Variants in TMEM232 observed in about 807,000 individuals in gnomAD.
TMEM232 encodes the protein transmembrane protein 232.
Under a neutral mutation model 78.8 loss-of-function variants are expected in TMEM232, and 80 were observed. The ratio of observed to expected loss-of-function variants is 1.01; its 90% CI spans 0.85 to 1.22. TMEM232 has a LOEUF of 1.22. Ranked by LOEUF, TMEM232 falls within the 50% of genes most tolerant of loss-of-function variation. The pLI, the probability that TMEM232 is intolerant of heterozygous loss-of-function variation, is 0.00. For synonymous variants in TMEM232, 297 were observed against 254.3 expected, an observed-to-expected ratio of 1.17 and a Z score of -1.60; for missense variants, 881 against 742.2, an observed-to-expected ratio of 1.19 and a Z score of -2.17.
At chr5:110,478,648 C>A (rs1763521702) in intron 12 of TMEM232, among the ~76,000 whole-genome samples, 1 of 151,710 alleles carries the variant, frequency 6.6e-6, no homozygotes, top group African/African-American at 2.4e-5. Flanking sequence ...TATGAAAATT[C>A]ATTTATGGGC....
intron 12 of TMEM232, among the ~76,000 whole-genome samples, chr5:110,473,957 G>A (rs1474605643): frequency 1.5e-5 from 2 of 134,394 alleles, no homozygotes; most frequent in African/African-American, 5.6e-5. Flanking sequence ...ATCAAAAGTG[G>A]TTACTATCAT....
Position 110,451,037 on chromosome 5 carries a change from A to G in TMEM232, c.1704-26121T>C, listed in dbSNP as rs527871532. On this transcript the variant is annotated intron_variant, in intron 12 of 13. Transcript: ENST00000455884. ...AGAACCTGGGTGACTAAATGACCACATGGTAGGTCATCTCAGAAGGAATAC... is the reference window on the plus strand; with the variant it reads ...AGAACCTGGGTGACTAAATGACCACGTGGTAGGTCATCTCAGAAGGAATAC... Among the ~76,000 whole-genome samples, 38 of 152,262 alleles carry G rather than the reference A, an allele frequency of 2.5e-4. 1 individual carries two copies. The highest frequency in any genetic ancestry group is 9.1e-4 in the African/African-American group (38 of 41,572).
At chr5:110,653,904 C>T (rs576823462) in intron 2 of TMEM232, among the ~76,000 whole-genome samples, 6 of 151,992 alleles carry the variant, frequency 3.9e-5, no homozygotes, top group Non-Finnish European at 4.4e-5. Flanking sequence ...TCAGATTCAC[C>T]GACATATCAG....
intron 12 of TMEM232, among the ~76,000 whole-genome samples, chr5:110,477,383 AG>A (rs1763364795): frequency 6.6e-6 from 1 of 151,948 alleles, no homozygotes; most frequent in Non-Finnish European, 1.5e-5. Flanking sequence ...TATTATTCAA[AG>A]TAACAAATCT....
intron 11 of TMEM232, among the ~76,000 whole-genome samples, chr5:110,541,657 C>A (rs1773129643): frequency 6.6e-6 from 1 of 152,000 alleles, no homozygotes; most frequent in Admixed American, 6.6e-5. Context: ...GTTAGCTAAG[C>A]ATTGTCAGGA....
At chr5:110,525,224 C>A in intron 12 of TMEM232, among the ~76,000 whole-genome samples, 1 of 149,600 alleles carries the variant, frequency 6.7e-6, no homozygotes, top group African/African-American at 2.4e-5. Flanking sequence ...TAGGCATACT[C>A]AGCTGATAAA....
chr5:110,729,543 A>T (rs541927770), upstream of TMEM232, among the ~76,000 whole-genome samples: 1 of 152,352 alleles, frequency 6.6e-6, no homozygotes, highest in South Asian at 2.1e-4. Flanking sequence ...CCACTACAAA[A>T]GCCAAAAACG....
chr5:110,550,950 AT>A (rs113468591), intron 11 of TMEM232, among the ~76,000 whole-genome samples: 21,179 of 145,112 alleles, frequency 0.15, 3,859 homozygotes, highest in African/African-American at 0.43. Flanking sequence ...AAATCCAGCC[AT>A]TTTTTTTTTT....
intron 2 of TMEM232, among the ~76,000 whole-genome samples, chr5:110,410,922 G>A (rs751716259): frequency 6.6e-6 from 1 of 152,100 alleles, no homozygotes; most frequent in African/African-American, 2.4e-5. Flanking sequence ...CTAAGATGAT[G>A]TGTGTAGGTA....
At chr5:110,584,645 A>G (rs1778599202) in intron 10 of TMEM232, among the ~76,000 whole-genome samples, 1 of 152,090 alleles carries the variant, frequency 6.6e-6, no homozygotes, top group Non-Finnish European at 1.5e-5. Context: ...CTGTGAACAT[A>G]TTATGTTACT....
chr5:110,647,268 A>C (rs541892583), intron 2 of TMEM232, among the ~76,000 whole-genome samples: 2 of 151,890 alleles, frequency 1.3e-5, no homozygotes, highest in Non-Finnish European at 2.9e-5. Context: ...TTGACCCATC[A>C]TAGTTTGTGC....
At chr5:110,649,061 T>A (rs1437063195) in intron 2 of TMEM232, among the ~76,000 whole-genome samples, 2 of 152,100 alleles carry the variant, frequency 1.3e-5, no homozygotes, top group Non-Finnish European at 2.9e-5. Context: ...GTCTGTCTAG[T>A]TGAGCTTGAA....
chr5:110,461,160 G>C (rs1761481173), intron 12 of TMEM232, among the ~76,000 whole-genome samples: 1 of 151,734 alleles, frequency 6.6e-6, no homozygotes, highest in African/African-American at 2.4e-5. Context: ...CCAAAAGCTA[G>C]GTCTCTAGTA....
At chr5:110,693,015 G>GCTAC (rs1794320873) in intron 1 of TMEM232, among the ~76,000 whole-genome samples, 2 of 152,192 alleles carry the variant, frequency 1.3e-5, no homozygotes, top group Non-Finnish European at 2.9e-5. Context: ...CCTCAAGTGG[G>GCTAC]TCCCTGACCC....
At chr5:110,530,921 T>C (rs1342693588) in intron 11 of TMEM232, among the ~76,000 whole-genome samples, 3 of 152,294 alleles carry the variant, frequency 2.0e-5, no homozygotes, top group African/African-American at 7.2e-5. Context: ...TTTGACCATT[T>C]CACAATGTAT....
At chr5:110,424,001 G>A (rs1009113282) in intron 13 of TMEM232, among the ~76,000 whole-genome samples, 11 of 152,014 alleles carry the variant, frequency 7.2e-5, no homozygotes, top group African/African-American at 2.2e-4. Context: ...TGCAGCTCTC[G>A]TTTTGTCATT....
At chr5:110,679,820 C>T (rs529109070) in intron 1 of TMEM232, among the ~76,000 whole-genome samples, 46 of 152,082 alleles carry the variant, frequency 3.0e-4, no homozygotes, top group South Asian at 8.3e-4. Context: ...TATATTTACT[C>T]AAAAGCAATT....
intron 2 of TMEM232, among the ~76,000 whole-genome samples, chr5:110,645,640 A>C (rs1048289714): frequency 4.6e-5 from 7 of 151,532 alleles, no homozygotes; most frequent in Non-Finnish European, 8.9e-5. Flanking sequence ...AAAACAGAAA[A>C]CTTTGCCTCT....
chr5:110,580,713 T>C lies in TMEM232; in HGVS notation c.1277-12088A>G, dbSNP rs543664853. On this transcript the variant is annotated intron_variant, in intron 10 of 13. Transcript: ENST00000455884. ...AATAGACCTAAAAGGCATATACAGA[T>C]CACATAACCCCAAACAGGATAATTT... Among the ~76,000 whole-genome samples the C allele has an allele frequency of 2.0e-5, 3 of 148,288 alleles. No individual in the cohort carries two copies. In the East Asian group the frequency reaches 5.9e-4, roughly 29 times the overall value.
Sources: gnomAD v4.1 joint callset for allele counts (sites outside exome capture counted in the v4.1 genomes callset) on GRCh38, gnomAD v4.1.1 for gene constraint, MANE v1.5 for transcripts, NCBI Gene and HGNC (gene_info 2026-07-23, HGNC 2026-07-21) for gene names.